SEZ6: variants seen among roughly 807,000 people sequenced by gnomAD.
SEZ6 encodes the protein seizure protein 6 homolog.
In SEZ6, 53 loss-of-function variants were observed where a neutral mutation model predicts 101.0. That is an observed-to-expected ratio of 0.52 (90% CI 0.42 to 0.66). The LOEUF (loss-of-function observed/expected upper bound fraction) is 0.66. SEZ6 is among the 30% of genes least tolerant of loss of function. The pLI is 0.00. For synonymous variants in SEZ6, 488 were observed against 512.2 expected (o/e 0.95, Z 0.64); for missense variants, 1,102 against 1,289.4 (o/e 0.85, Z 2.23).
At chr17:28,984,523 C>T (rs138972451) in intron 1 of SEZ6, among the ~76,000 whole-genome samples, 1 of 152,226 alleles carries the variant, frequency 6.6e-6, no homozygotes, top group African/African-American at 2.4e-5. Flanking sequence ...CACAGCTCTT[C>T]CCGCTGGCTG....
rs765848120 is a variant in SEZ6, at chr17:28,957,931, G to C, written c.2302+16C>G. ...TTTGTGTTGGGAAGGGGAGCGTGGGGAACAGGTATACTCACCCCTCTGGCA... is the reference window on the plus strand; with the variant it reads ...TTTGTGTTGGGAAGGGGAGCGTGGGCAACAGGTATACTCACCCCTCTGGCA... On this transcript the variant is annotated intron_variant, in intron 11 of 16. Transcript: ENST00000317338. 2 of 1,603,900 alleles carry C rather than the reference G, an allele frequency of 1.2e-6. No homozygotes were observed. Among genetic ancestry groups the C allele is most frequent in the South Asian group, 1.1e-5 (1 of 90,806 alleles).
chr17:28,959,073 C>G lies in SEZ6; in HGVS notation c.2059G>C (p.Gly687Arg). Residue 687 changes from glycine to arginine, a missense_variant, in exon 10 of 17, where the codon GGG becomes CGG. By Grantham distance (125) the Gly-to-Arg change is moderately radical (BLOSUM62 -2). Coordinates refer to ENST00000317338, the MANE Select transcript of SEZ6 (RefSeq NM_178860.5). This position sits in a 1 kb window ranked among gnomAD's most constrained non-coding sequence, Gnocchi z 4.4. The part of the protein sequence containing the change: ...DVTIQFQSDP[G>R]TSVLGYQQGF... ...TGCTGGTAGCCCAGCACTGAGGTCCCGGGGTCCGACTGGAACTGAATGGTG... is the reference window on the plus strand; with the variant it reads ...TGCTGGTAGCCCAGCACTGAGGTCCGGGGGTCCGACTGGAACTGAATGGTG... The G allele has an allele frequency of 6.2e-7, 1 of 1,613,940 alleles. No homozygotes were observed. The highest frequency in any genetic ancestry group is 1.1e-5 in the South Asian group (1 of 91,080).
Position 28,964,104 on chromosome 17 carries a change from T to C in SEZ6, c.1098A>G (p.Gly366=), listed in dbSNP as rs761615625. The C allele has an allele frequency of 5.6e-6, 9 of 1,603,486 alleles. No individual in the cohort carries two copies. The highest frequency in any genetic ancestry group is 7.7e-6 in the Non-Finnish European group (9 of 1,175,130). ...SCHFPRRPAY[G]DVTVTSLHPG... Reference sequence around the variant, plus strand: ...GGTGGAGGCTGGTGACAGTCACATCTCCATAAGCTGGACGACGGGGAAAGT... The same window carrying C: ...GGTGGAGGCTGGTGACAGTCACATCCCCATAAGCTGGACGACGGGGAAAGT... Residue 366 remains glycine, a synonymous_variant, in exon 5 of 17, where the codon GGA becomes GGG. Coordinates refer to ENST00000317338, the MANE Select transcript of SEZ6 (RefSeq NM_178860.5).
At position 28,957,175 on chromosome 17, in the gene SEZ6, C is replaced by G. The variant is rs1294448617; in HGVS notation, c.2562G>C (p.Gln854His). The G allele has an allele frequency of 3.1e-6, 5 of 1,613,914 alleles. No homozygotes were observed. Among genetic ancestry groups the G allele is most frequent in the Non-Finnish European group, 4.2e-6 (5 of 1,179,896 alleles). ...GGATGGTGGCCCCTGCTGGGTGTAG[C>G]TGCTTCTCAGGACTTCGGGCACCAT... Reference protein sequence around the residue: ...PENGARSPEKQLHPAGATIHF... With the variant: ...PENGARSPEKHLHPAGATIHF... The change falls in exon 13 of 17, where the codon CAG becomes CAC. Residue 854 changes from glutamine to histidine, a missense_variant. By Grantham distance (24) the Gln-to-His change is conservative. This residue lies in a region of SEZ6 where 556 missense variants were observed against 735.1 expected (regional missense o/e 0.76). Transcript: ENST00000317338.
intron 1 of SEZ6, among the ~76,000 whole-genome samples, chr17:28,991,307 C>A (rs533157808): frequency 1.3e-5 from 2 of 152,246 alleles, no homozygotes; most frequent in East Asian, 1.9e-4. Flanking sequence ...TGGGTTCAAG[C>A]GATTCTCCTG....
At position 28,959,379 on chromosome 17, in the gene SEZ6, C is replaced by T; in HGVS notation, c.1865G>A (p.Gly622Asp). ...PYGRGQDCIW[G>D]VHVEEDKRIM... is the part of the protein sequence containing the mutation. ...GCGCTTGTCCTCTTCCACATGCACA[C>T]CCCAGATACAATCCTGCCCACGACC... The change falls in exon 9 of 17, where the codon GGT becomes GAT. Residue 622 changes from glycine (G) to aspartate (D), a missense_variant. This residue lies in a region of SEZ6 where 556 missense variants were observed against 735.1 expected (regional missense o/e 0.76). Transcript: ENST00000317338. This position sits in a 1 kb window ranked among gnomAD's most constrained non-coding sequence, Gnocchi z 4.4. 1.2e-6 allele frequency: 2 copies of T among 1,613,934 alleles called. No homozygotes were observed. Among genetic ancestry groups the T allele is most frequent in the Non-Finnish European group, 1.7e-6 (2 of 1,179,864 alleles).
At chr17:28,968,509 G>T (rs983195204) in intron 4 of SEZ6, among the ~76,000 whole-genome samples, 1 of 152,222 alleles carries the variant, frequency 6.6e-6, no homozygotes, top group African/African-American at 2.4e-5. Context: ...CTGCCAGGGA[G>T]GATTGATGAG....
chr17:29,003,379 G>A (rs1290581175), intron 1 of SEZ6, among the ~76,000 whole-genome samples: 1 of 152,232 alleles, frequency 6.6e-6, no homozygotes, highest in Non-Finnish European at 1.5e-5. Context: ...CTTGGGCCAA[G>A]CCCAGCACGA....
At chr17:28,963,215 G>A (rs1238175672) in intron 5 of SEZ6, among the ~76,000 whole-genome samples, 4 of 151,802 alleles carry the variant, frequency 2.6e-5, no homozygotes, top group African/African-American at 9.7e-5. Context: ...CTTTTCATTG[G>A]CAGCAATCCC....
At chr17:28,997,293 C>T (rs546078104) in intron 1 of SEZ6, among the ~76,000 whole-genome samples, 18 of 152,274 alleles carry the variant, frequency 1.2e-4, no homozygotes, top group Admixed American at 8.5e-4. Context: ...CTTTGGTCCA[C>T]AAAAGTTGAC....
chr17:28,986,431 G>A (rs977749352), intron 1 of SEZ6, among the ~76,000 whole-genome samples: 1 of 152,254 alleles, frequency 6.6e-6, no homozygotes, highest in African/African-American at 2.4e-5. Context: ...ATGGGGGGCG[G>A]GGCCCAGCCT....
chr17:28,988,906 CAACT>C (rs1199818534), intron 1 of SEZ6, among the ~76,000 whole-genome samples: 1 of 152,196 alleles, frequency 6.6e-6, no homozygotes, highest in Non-Finnish European at 1.5e-5. Context: ...ACATCTAGCC[CAACT>C]ACTGGGAAGA....
chr17:28,969,983 G>A, intron 3 of SEZ6, 31 bp from the exon 4 acceptor site: 1 of 1,509,548 alleles, frequency 6.6e-7, no homozygotes, highest in Middle Eastern at 1.7e-4. Flanking sequence ...GAAAAGCAAA[G>A]TAGTCAGACT....
Position 28,981,533 on chromosome 17 carries a change from GA to G in SEZ6, c.561del (p.Pro188LeufsTer111). 6.2e-7 allele frequency: 1 copy of G among 1,612,306 alleles called. No individual in the cohort carries two copies. Among genetic ancestry groups the G allele is most frequent in the Non-Finnish European group, 8.5e-7 (1 of 1,179,174 alleles). ...ACCCACGGCCTTCCCATGTCTCCAG[GA>G]CCCTCTTGGGTTGGTGTCCAGGCTC... ...PSRAWTPTQE[G>X]PGDMGRPWVA... On this transcript the variant is annotated frameshift_variant, in exon 2 of 17. Coordinates refer to ENST00000317338, the MANE Select transcript of SEZ6 (RefSeq NM_178860.5). LOFTEE classifies it high-confidence loss of function.
Position 28,956,389 on chromosome 17 carries a change from A to G in SEZ6, c.2810T>C (p.Met937Thr), listed in dbSNP as rs2040878990. The change falls in exon 15 of 17, where the codon ATG becomes ACG. Residue 937 changes from methionine to threonine, a missense_variant. Around this residue, in one of 3 missense-constraint regions of SEZ6, gnomAD observed 140 missense variants for 135.7 expected, o/e 1.03. Transcript: ENST00000317338. ...AAAIFLPLVA[M>T]VLLVGGVYFY... ...GTATACACCTCCTACCAACAACACC[A>G]TCGCCACCAGTGGCAAGAAGATGGC... 6.4e-7 allele frequency: 1 copy of G among 1,572,762 alleles called. No individual in the cohort carries two copies. The highest frequency in any genetic ancestry group is 1.2e-5 in the South Asian group (1 of 85,500).
At chr17:28,975,588 A>G (rs1346513712) in intron 3 of SEZ6, among the ~76,000 whole-genome samples, 1 of 152,196 alleles carries the variant, frequency 6.6e-6, no homozygotes, top group African/African-American at 2.4e-5. Flanking sequence ...GCCAAAATCC[A>G]TGGGGCTAGA....
rs780674387 is a variant in SEZ6, at chr17:28,957,946, C to A, written c.2302+1G>T. On this transcript the variant is annotated splice_donor_variant, in intron 11 of 16. Transcript: ENST00000317338. LOFTEE classifies it high-confidence loss of function. ...GGAGCGTGGGGAACAGGTATACTCA[C>A]CCCTCTGGCATGAGGGCAGGTCCTC... 3 of 1,612,622 alleles carry A rather than the reference C, an allele frequency of 1.9e-6. No individual in the cohort carries two copies. The highest frequency in any genetic ancestry group is 2.5e-6 in the Non-Finnish European group (3 of 1,178,804).
chr17:28,963,802 C>A, intron 5 of SEZ6, 160 bp downstream of exon 5: 2 of 770,260 alleles, frequency 2.6e-6, no homozygotes, highest in Non-Finnish European at 2.1e-6. Context: ...CTGGTAGATG[C>A]TCAATAAGTG....
chr17:28,985,045 C>T (rs565989131), intron 1 of SEZ6, among the ~76,000 whole-genome samples: 1 of 152,312 alleles, frequency 6.6e-6, no homozygotes, highest in African/African-American at 2.4e-5. Context: ...GACCTGAAGC[C>T]TAGAGAGCTG....
Sources: allele counts gnomAD v4.1 joint callset (sites outside exome capture counted in the v4.1 genomes callset), GRCh38; gene constraint gnomAD v4.1.1; regional missense constraint gnomAD v4.1.1; non-coding constraint Gnocchi (gnomAD v3.1); transcripts MANE v1.5; gene names NCBI Gene and HGNC (gene_info 2026-07-23, HGNC 2026-07-21).